The following KLHL7 variants were observed in gnomAD, a reference collection of about 807,000 sequenced individuals.
KLHL7 encodes the protein kelch like family member 7.
Under a neutral mutation model 67.4 loss-of-function variants are expected in KLHL7, and 44 were observed. That is an observed-to-expected ratio of 0.65 (90% CI 0.51 to 0.84). The LOEUF is 0.84. KLHL7 is among the 40% of genes least tolerant of loss of function. The pLI, the probability that KLHL7 is intolerant of heterozygous loss-of-function variation, is 0.00. For missense variants in KLHL7, 362 were observed against 718.1 expected (o/e 0.50, Z 5.67); for synonymous variants, 252 against 243.3 (o/e 1.04, Z -0.33).
Position 23,176,731 on chromosome 7 carries a change from T to C in KLHL7, c.*2433T>C, listed in dbSNP as rs991344533. 6.7e-6 allele frequency: 1 copy of C among 150,180 alleles called. No homozygotes were observed. Among genetic ancestry groups the C allele is most frequent in the African/African-American group, 2.5e-5 (1 of 40,582 alleles). 9.3% of individuals were successfully genotyped at this position (150,180 alleles called of 1,614,324 possible). On this transcript the variant is annotated 3_prime_UTR_variant, in exon 11 of 11. Transcript: ENST00000339077. Reference sequence around the variant, plus strand: ...TCTCACGCCCTTAATCCCAGCACTTTGGGAGGCCGAGGCGGGTGGATTACC... The same window carrying C: ...TCTCACGCCCTTAATCCCAGCACTTCGGGAGGCCGAGGCGGGTGGATTACC...
intron 4 of KLHL7, chr7:23,129,474 A>G (rs146009776): frequency 6.7e-5 from 21 of 315,374 alleles, no homozygotes; most frequent in African/African-American, 4.3e-4. Context: ...CAGAAGCCCT[A>G]GATGAGCTTA....
intron 7 of KLHL7, 125 bp downstream of exon 7, chr7:23,152,334 C>A (rs1045316266): frequency 1.2e-6 from 1 of 868,538 alleles, no homozygotes; most frequent in East Asian, 2.6e-5. Flanking sequence ...TGTTCTTTCA[C>A]ATATGTTATG....
intron 1 of KLHL7, among the ~76,000 whole-genome samples, chr7:23,116,648 C>T (rs137869780): frequency 2.4e-4 from 37 of 152,300 alleles, no homozygotes; most frequent in African/African-American, 8.4e-4. Context: ...AGAACTTCCC[C>T]TAGTGGAAAA....
chr7:23,165,880 C>T lies in KLHL7; in HGVS notation c.1119C>T (p.Asp373=), dbSNP rs1361094657. Residue 373 remains aspartate, a synonymous_variant, in exon 8 of 11, where the codon GAC becomes GAT. Coordinates refer to ENST00000339077, the MANE Select transcript of KLHL7 (RefSeq NM_001031710.3). ...AACTGGGTCCTCCGACACCTCGAGA[C>T]AGCCTTGCTGCATGTGCTGCAGAAG... ...YSKLGPPTPR[D]SLAACAAEGK... is the part of the protein sequence containing the mutation. The T allele has an allele frequency of 1.9e-6, 3 of 1,614,046 alleles. No individual in the cohort carries two copies. Among genetic ancestry groups the T allele is most frequent in the Non-Finnish European group, 2.5e-6 (3 of 1,180,012 alleles).
chr7:23,172,894 A>G, intron 9 of KLHL7, 54 bp from the exon 10 acceptor site: 2 of 1,239,000 alleles, frequency 1.6e-6, no homozygotes, highest in Non-Finnish European at 2.4e-6. Context: ...TCTCATTAGT[A>G]TGAGTTCTTT....
intron 1 of KLHL7, 151 bp from the exon 2 acceptor site, chr7:23,123,626 A>G: frequency 7.8e-6 from 5 of 643,158 alleles, no homozygotes; most frequent in Non-Finnish European, 1.4e-5. Flanking sequence ...AGTCCTTTCT[A>G]AATATGTCTT....
intron 7 of KLHL7, among the ~76,000 whole-genome samples, chr7:23,162,716 C>CT (rs1784885960): frequency 6.6e-6 from 1 of 152,158 alleles, no homozygotes; most frequent in Non-Finnish European, 1.5e-5. Flanking sequence ...CATAAATTTG[C>CT]TTTTCATGTA....
Position 23,174,118 on chromosome 7 carries a change from C to T in KLHL7, c.1581C>T (p.Gly527=). 1 of 1,614,170 alleles carries T rather than the reference C, an allele frequency of 6.2e-7. No individual in the cohort carries two copies. Among genetic ancestry groups the T allele is most frequent in the Non-Finnish European group, 8.5e-7 (1 of 1,179,998 alleles). Residue 527 remains glycine, a synonymous_variant, in exon 11 of 11, where the codon GGC becomes GGT. Coordinates refer to ENST00000339077, the MANE Select transcript of KLHL7 (RefSeq NM_001031710.3). The part of the protein sequence containing the change: ...KGVTVKCAAV[G]SIVYVLAGFQ... ...TAACAGTGAAATGTGCAGCAGTTGG[C>T]TCTATAGTTTATGTCTTGGCTGGTT...
intron 7 of KLHL7, among the ~76,000 whole-genome samples, chr7:23,162,496 A>G (rs1285144828): frequency 2.0e-5 from 3 of 152,216 alleles, no homozygotes; most frequent in African/African-American, 4.8e-5. Context: ...TTGGTCATTC[A>G]GTCATTTTGT....
At chr7:23,135,711 C>T (rs1419558446) in intron 4 of KLHL7, among the ~76,000 whole-genome samples, 1 of 152,212 alleles carries the variant, frequency 6.6e-6, no homozygotes, top group Non-Finnish European at 1.5e-5. Context: ...TCTGTCCCGG[C>T]TTCCTTTCTG....
In KLHL7 at chr7:23,169,636, A is replaced by G. The variant is rs149682776; in HGVS notation, c.1379+1599A>G. Among the ~76,000 whole-genome samples the G allele has an allele frequency of 5.1e-4, 77 of 152,348 alleles. 1 individual carries two copies. The East Asian group carries it at 0.015, about 29-fold the overall frequency. ...ATTTTTACATCTTTATTCAGGCACT[A>G]TCAATGTAAATTAATATTGATTTTT... On this transcript the variant is annotated intron_variant, in intron 9 of 10. Transcript: ENST00000339077.
At chr7:23,144,383 A>G (rs1784288461) in intron 6 of KLHL7, among the ~76,000 whole-genome samples, 1 of 152,152 alleles carries the variant, frequency 6.6e-6, no homozygotes, top group Non-Finnish European at 1.5e-5. Flanking sequence ...TTTTTGGCCC[A>G]GAGATAAATA....
Position 23,113,931 on chromosome 7 carries a change from A to C in KLHL7, c.120+7785A>C, listed in dbSNP as rs150542626. On this transcript the variant is annotated intron_variant, in intron 1 of 10. Coordinates refer to ENST00000339077, the MANE Select transcript of KLHL7 (RefSeq NM_001031710.3). The stretch of plus-strand genomic sequence containing the variant: ...ATGCTGTCTATATAAATTATATCAG[A>C]TTAGCTTATTTGAGAATGAATTCTG... Among the ~76,000 whole-genome samples, 332 of 152,322 alleles carry C rather than the reference A, an allele frequency of 2.2e-3. 3 individuals are homozygous for C. Among genetic ancestry groups the C allele is most frequent in the East Asian group, 0.018 (96 of 5,192 alleles).
rs1784555649 is a variant in KLHL7, at chr7:23,152,119, T to C, written c.846T>C (p.Asp282=). Reference sequence around the variant, plus strand: ...CAGAGGACCGAGAAGAACTTGTAGATGGCACAAGACCTAGAAGAAAGAAAC... The same window carrying C: ...CAGAGGACCGAGAAGAACTTGTAGACGGCACAAGACCTAGAAGAAAGAAAC... ...LSPEDREELV[D]GTRPRRKKHD... The change falls in exon 7 of 11, where the codon GAT becomes GAC. Residue 282 remains aspartate (D), a synonymous_variant. Coordinates refer to ENST00000339077, the MANE Select transcript of KLHL7 (RefSeq NM_001031710.3). The C allele has an allele frequency of 1.9e-6, 3 of 1,613,890 alleles. No individual in the cohort carries two copies. Among genetic ancestry groups the C allele is most frequent in the Non-Finnish European group, 2.5e-6 (3 of 1,179,788 alleles).
chr7:23,160,782 A>G (rs1369166511), intron 7 of KLHL7, among the ~76,000 whole-genome samples: 1 of 152,248 alleles, frequency 6.6e-6, no homozygotes, highest in African/African-American at 2.4e-5. Flanking sequence ...AGTAATATTT[A>G]TGTGACTACT....
At chr7:23,165,674 G>A (rs763379471) in intron 7 of KLHL7, 24 bp from the exon 8 acceptor site, 3 of 1,613,868 alleles carry the variant, frequency 1.9e-6, no homozygotes, top group East Asian at 2.2e-5. Context: ...CTTACTGAAA[G>A]CTTCCCATCC....
At position 23,127,078 on chromosome 7, in the gene KLHL7, C is replaced by G. The variant is rs1013284713; in HGVS notation, c.442+1906C>G. Among the ~76,000 whole-genome samples, 27 of 152,086 alleles carry G rather than the reference C, an allele frequency of 1.8e-4. 1 individual carries two copies. The highest frequency in any genetic ancestry group is 5.6e-4 in the African/African-American group (23 of 41,404). On this transcript the variant is annotated intron_variant, in intron 4 of 10. Transcript: ENST00000339077. Reference sequence around the variant, plus strand: ...CATTATATAAATAATTATCTTCAGACAATACTATAAACGGGGAATTACCTT... The same window carrying G: ...CATTATATAAATAATTATCTTCAGAGAATACTATAAACGGGGAATTACCTT...
chr7:23,117,772 A>G (rs750675843), intron 1 of KLHL7: 8 of 1,455,872 alleles, frequency 5.5e-6, no homozygotes, highest in Non-Finnish European at 7.4e-6. Context: ...TTTTCTAGTA[A>G]CTAATCCAAG....
intron 4 of KLHL7, among the ~76,000 whole-genome samples, chr7:23,127,887 A>AT (rs1783635279): frequency 6.6e-6 from 1 of 151,694 alleles, no homozygotes; most frequent in Non-Finnish European, 1.5e-5. Flanking sequence ...AAACAAAAAA[A>AT]AACAGTAGTT....
Sources: gnomAD v4.1 joint callset for allele counts (sites outside exome capture counted in the v4.1 genomes callset) on GRCh38, gnomAD v4.1.1 for gene constraint, MANE v1.5 for transcripts, NCBI Gene and HGNC (gene_info 2026-07-23, HGNC 2026-07-21) for gene names.